AK9: variants seen among roughly 807,000 people sequenced by gnomAD.
The protein encoded by AK9 is adenylate kinase domain containing 1.
A neutral mutation model predicts 239.6 loss-of-function variants in AK9; 191 were observed. The observed-to-expected ratio is 0.80, with a 90% CI of 0.71 to 0.90. The LOEUF (loss-of-function observed/expected upper bound fraction) is 0.90. AK9 is among the 40% of genes least tolerant of loss of function. AK9 has a pLI of 0.00. For missense variants in AK9, 1,995 were observed against 2,214.7 expected (o/e 0.90, Z 1.99); for synonymous variants, 689 against 721.0 (o/e 0.96, Z 0.71).
intron 13 of AK9, among the ~76,000 whole-genome samples, chr6:109,617,726 A>C (rs1178119629): frequency 1.3e-5 from 2 of 152,206 alleles, no homozygotes; most frequent in East Asian, 3.8e-4. Context: ...TAGGATCACA[A>C]TTAACCATTA....
chr6:109,671,519 T>C (rs9791294), intron 5 of AK9, among the ~76,000 whole-genome samples: 3,198 of 152,266 alleles, frequency 0.021, 83 homozygotes, highest in East Asian at 0.11. Context: ...AACAGTAAGA[T>C]AGTGGCATTC....
At chr6:109,690,945 C>T (rs1265006315) in intron 1 of AK9, among the ~76,000 whole-genome samples, 1 of 152,136 alleles carries the variant, frequency 6.6e-6, no homozygotes, top group Non-Finnish European at 1.5e-5. Context: ...CAGTGAAGGA[C>T]CGTCAGAGGG....
chr6:109,602,142 C>A (rs1329617518), intron 17 of AK9, among the ~76,000 whole-genome samples: 1 of 152,122 alleles, frequency 6.6e-6, no homozygotes. Flanking sequence ...TTATTTTGCT[C>A]ATTAGTTGAT....
chr6:109,615,878 C>G (rs1344319066), intron 13 of AK9, among the ~76,000 whole-genome samples: 1 of 151,888 alleles, frequency 6.6e-6, no homozygotes, highest in Non-Finnish European at 1.5e-5. Context: ...AACTATAAAC[C>G]AGTCACACCT....
intron 8 of AK9, among the ~76,000 whole-genome samples, chr6:109,655,882 G>T (rs1336749873): frequency 6.6e-6 from 1 of 152,198 alleles, no homozygotes. Context: ...GGAGAGGTGG[G>T]GAGGAATAGA....
intron 17 of AK9, among the ~76,000 whole-genome samples, chr6:109,602,066 C>T (rs1461202364): frequency 2.0e-5 from 3 of 152,100 alleles, no homozygotes; most frequent in African/African-American, 4.8e-5. Flanking sequence ...GAGCATTTAG[C>T]CCATTTACAT....
At chr6:109,607,225 A>G (rs1792998276) in intron 17 of AK9, among the ~76,000 whole-genome samples, 1 of 152,218 alleles carries the variant, frequency 6.6e-6, no homozygotes, top group South Asian at 2.1e-4. Flanking sequence ...AAACCTAATG[A>G]GAGACGTTGA....
chr6:109,646,129 A>T (rs954624090), intron 8 of AK9, among the ~76,000 whole-genome samples: 2 of 152,228 alleles, frequency 1.3e-5, no homozygotes, highest in African/African-American at 2.4e-5. Context: ...AATCACAAAG[A>T]TGGGGAGAAA....
intron 17 of AK9, among the ~76,000 whole-genome samples, chr6:109,604,460 C>G (rs1246967051): frequency 2.0e-5 from 3 of 152,164 alleles, no homozygotes; most frequent in Non-Finnish European, 4.4e-5. Flanking sequence ...AACAGTTAAT[C>G]TTATCAACAC....
chr6:109,537,283 C>T (rs1409199938), intron 27 of AK9, among the ~76,000 whole-genome samples: 4 of 152,000 alleles, frequency 2.6e-5, no homozygotes, highest in Non-Finnish European at 5.9e-5. Context: ...AATTTCAGAG[C>T]CTGTTATTGG....
intron 6 of AK9, 76 bp from the exon 7 acceptor site, chr6:109,659,489 T>C: frequency 6.6e-7 from 1 of 1,514,384 alleles, no homozygotes; most frequent in Non-Finnish European, 8.8e-7. Context: ...ATTGAATATA[T>C]TGTACAGTAC....
intron 27 of AK9, among the ~76,000 whole-genome samples, chr6:109,534,280 T>C (rs1003268333): frequency 1.3e-5 from 2 of 150,232 alleles, no homozygotes; most frequent in African/African-American, 4.8e-5. Flanking sequence ...TTAGAGCACT[T>C]ATTTTAATTT....
chr6:109,519,302 G>A (rs1295411051), intron 29 of AK9, among the ~76,000 whole-genome samples: 3 of 152,108 alleles, frequency 2.0e-5, no homozygotes, highest in African/African-American at 7.2e-5. Flanking sequence ...ATTTTTGGTA[G>A]AACAATTTAT....
At chr6:109,641,467 C>T in intron 10 of AK9, 51 bp downstream of exon 10, 1 of 1,485,692 alleles carries the variant, frequency 6.7e-7, no homozygotes, top group Non-Finnish European at 9.3e-7. Context: ...CTGCACCCTG[C>T]CCACAACATA....
At chr6:109,591,491 T>C (rs1790242490) in intron 17 of AK9, among the ~76,000 whole-genome samples, 1 of 152,184 alleles carries the variant, frequency 6.6e-6, no homozygotes, top group Non-Finnish European at 1.5e-5. Context: ...CAATATCTTT[T>C]AAGTGGAGCA....
At position 109,506,710 on chromosome 6, in the gene AK9, A is replaced by G. The variant is rs535399407; in HGVS notation, c.4572T>C (p.Ser1524=). ...TTTTGAAAATCTCCTTGGAAGGCAC[A>G]CTCAATTCAAAGATGACCATGGGAA... is the stretch of plus-strand genomic sequence containing the variant. ...SIIPMVIFEL[S]VPSKEIFKRL... is the part of the protein sequence containing the mutation. Residue 1524 remains serine (S), a synonymous_variant, in exon 34 of 41, where the codon AGT becomes AGC. Coordinates refer to ENST00000424296, the MANE Select transcript of AK9 (RefSeq NM_001145128.3). 2 of 1,538,562 alleles carry G rather than the reference A, an allele frequency of 1.3e-6. No individual in the cohort carries two copies. Among genetic ancestry groups the G allele is most frequent in the Non-Finnish European group, 1.8e-6 (2 of 1,137,550 alleles).
chr6:109,664,253 G>T (rs1583487743), intron 5 of AK9, among the ~76,000 whole-genome samples: 1 of 152,060 alleles, frequency 6.6e-6, no homozygotes, highest in South Asian at 2.1e-4. Flanking sequence ...TAGTGTAAGA[G>T]AGTCTTGTGC....
At chr6:109,616,020 G>A (rs938451506) in intron 13 of AK9, among the ~76,000 whole-genome samples, 4 of 152,054 alleles carry the variant, frequency 2.6e-5, no homozygotes, top group Admixed American at 2.6e-4. Flanking sequence ...AGGATCACTT[G>A]AGGCCAGGAG....
chr6:109,674,329 T>C lies in AK9; in HGVS notation c.118-68A>G. ...CTTGCCAGTGACACAGATACAGCAA[T>C]TTTTAAAGATTCTATTGCTAGTTAC... On this transcript the variant is annotated intron_variant, in intron 2 of 40. Transcript: ENST00000424296. 3.6e-6 allele frequency: 4 copies of C among 1,118,586 alleles called. No individual in the cohort carries two copies. In the Middle Eastern group the frequency reaches 9.0e-4, roughly 251 times the overall value. The allele number at this position is 1,118,586 out of a possible 1,614,324, so 69.3% of individuals were successfully genotyped here.
Sources: gnomAD v4.1 joint callset for allele counts (sites outside exome capture counted in the v4.1 genomes callset) on GRCh38, gnomAD v4.1.1 for gene constraint, MANE v1.5 for transcripts, NCBI Gene and HGNC (gene_info 2026-07-23, HGNC 2026-07-21) for gene names.